DAB1: variants seen among roughly 807,000 people sequenced by gnomAD.
DAB1 encodes the protein DAB adaptor protein 1.
A neutral mutation model predicts 64.6 loss-of-function variants in DAB1; 15 were observed. The ratio of observed to expected loss-of-function variants is 0.23; its 90% confidence interval spans 0.16 to 0.36. The LOEUF is 0.36. Among genes scored for constraint, DAB1 ranks in the 10% least tolerant of loss-of-function variants. The probability of loss-of-function intolerance (pLI) is 1.00; values close to 1 mark genes in which losing one functional copy is unlikely to be tolerated. For missense variants in DAB1, 596 were observed against 706.7 expected (o/e 0.84, Z 1.78); for synonymous variants, 235 against 251.9 (o/e 0.93, Z 0.64).
In DAB1 at chr1:57,928,943, G is replaced by C. The variant is rs555508598; in HGVS notation, n.388-44781C>G. Among the ~76,000 whole-genome samples, 14 of 152,296 alleles carry C rather than the reference G, an allele frequency of 9.2e-5. No homozygotes were observed. The South Asian group carries it at 2.9e-3, about 32-fold the overall frequency. ...GTGACTGTGTGTTTTCAACTCATTT[G>C]AGTAAAAGTCAAGGAGCACAATTGC... On this transcript the variant is annotated intron_variant and non_coding_transcript_variant, in intron 5 of 20. Coordinates refer to the DAB1 transcript ENST00000485760.
intron 1 of DAB1, among the ~76,000 whole-genome samples, chr1:57,868,258 C>T (rs1005685879): frequency 9.2e-5 from 14 of 152,210 alleles, no homozygotes; most frequent in South Asian, 2.1e-4. Context: ...ATAAGCTCTG[C>T]GTGGTTTTGA....
Position 57,423,928 on chromosome 1 carries a change from A to T in DAB1, c.-137+2T>A, listed in dbSNP as rs913271611. ...TTGCCGCGCGCCCCCGCCGCGCCTC[A>T]CCTCGCCTAGCCCAGAGCATCCTCC... On this transcript the variant is annotated splice_donor_variant, in intron 1 of 14. Coordinates refer to ENST00000371236, the MANE Select transcript of DAB1 (RefSeq NM_001365792.1). LOFTEE classifies it low-confidence loss of function (5UTR_SPLICE). 1.3e-5 allele frequency: 2 copies of T among 151,132 alleles called. No homozygotes were observed. Among genetic ancestry groups the T allele is most frequent in the East Asian group, 4.0e-4 (2 of 5,012 alleles). The allele number at this position is 151,132 out of a possible 1,614,324, so 9.4% of individuals were successfully genotyped here. A position where few individuals can be genotyped will look rare whatever the true frequency, so the allele number is the denominator to read the frequency against.
intron 7 of DAB1, among the ~76,000 whole-genome samples, chr1:57,640,843 G>A (rs1232740187): frequency 6.6e-6 from 1 of 152,164 alleles, no homozygotes; most frequent in African/African-American, 2.4e-5. Flanking sequence ...CTGCAGAGAA[G>A]TAAAGAATCT....
chr1:57,369,641 G>A (rs777656349), intron 1 of DAB1, among the ~76,000 whole-genome samples: 22 of 152,056 alleles, frequency 1.4e-4, no homozygotes, highest in Non-Finnish European at 2.4e-4. Context: ...CAACAGTCTT[G>A]TACTCTCAGA....
At chr1:57,460,663 G>A (rs1228718006) in intron 7 of DAB1, among the ~76,000 whole-genome samples, 3 of 152,126 alleles carry the variant, frequency 2.0e-5, no homozygotes, top group Non-Finnish European at 2.9e-5. Flanking sequence ...GGGAGGAGTA[G>A]AGACACTAAT....
At chr1:58,130,587 G>A (rs1276172311) in intron 5 of DAB1, among the ~76,000 whole-genome samples, 6 of 152,028 alleles carry the variant, frequency 3.9e-5, no homozygotes, top group South Asian at 2.1e-4. Context: ...ATTTTGCAGC[G>A]GCTGGTACCG....
intron 5 of DAB1, among the ~76,000 whole-genome samples, chr1:58,060,626 T>G (rs1393597186): frequency 2.6e-5 from 4 of 152,112 alleles, no homozygotes; most frequent in Non-Finnish European, 5.9e-5. Flanking sequence ...GCACCCTCTG[T>G]GGGGTTTTCG....
chr1:57,383,612 A>G (rs1400197520), intron 1 of DAB1, among the ~76,000 whole-genome samples: 1 of 152,206 alleles, frequency 6.6e-6, no homozygotes, highest in Non-Finnish European at 1.5e-5. Flanking sequence ...AAAACCTCAC[A>G]TAGAAGGTCA....
chr1:57,803,141 T>G (rs531462698), intron 6 of DAB1, among the ~76,000 whole-genome samples: 6 of 152,210 alleles, frequency 3.9e-5, no homozygotes, highest in African/African-American at 1.4e-4. Flanking sequence ...AGCCCCAAAA[T>G]GAAATTGATG....
chr1:57,891,289 C>T (rs181247214), intron 5 of DAB1, among the ~76,000 whole-genome samples: 1 of 152,264 alleles, frequency 6.6e-6, no homozygotes, highest in African/African-American at 2.4e-5. Flanking sequence ...TAGATAAATG[C>T]AAATCAAACC....
chr1:58,077,406 G>A (rs1316862541), intron 5 of DAB1, among the ~76,000 whole-genome samples: 1 of 152,084 alleles, frequency 6.6e-6, no homozygotes, highest in Non-Finnish European at 1.5e-5. Flanking sequence ...TGACCAAAGG[G>A]GTTCATCACT....
chr1:58,212,542 A>C (rs1203327632), intron 4 of DAB1, among the ~76,000 whole-genome samples: 1 of 152,110 alleles, frequency 6.6e-6, no homozygotes, highest in Non-Finnish European at 1.5e-5. Flanking sequence ...AGATTGCACA[A>C]ATCTTCCCAC....
intron 1 of DAB1, among the ~76,000 whole-genome samples, chr1:57,400,000 C>T (rs1683112164): frequency 6.6e-6 from 1 of 152,170 alleles, no homozygotes; most frequent in Admixed American, 6.5e-5. Context: ...ACTGAATGGC[C>T]ACCTATGCCC....
chr1:57,198,898 T>G (rs764966253), intron 2 of DAB1, among the ~76,000 whole-genome samples: 2 of 152,088 alleles, frequency 1.3e-5, no homozygotes, highest in Non-Finnish European at 2.9e-5. Context: ...GAGTGTGGAA[T>G]AGGACAAGAG....
chr1:57,121,543 T>C (rs1656664447), intron 4 of DAB1, among the ~76,000 whole-genome samples: 1 of 151,972 alleles, frequency 6.6e-6, no homozygotes, highest in South Asian at 2.1e-4. Context: ...TTAATAAATG[T>C]TCACTGAATG....
chr1:58,174,962 C>G (rs1557682518), intron 4 of DAB1, among the ~76,000 whole-genome samples: 1 of 152,202 alleles, frequency 6.6e-6, no homozygotes, highest in Non-Finnish European at 1.5e-5. Flanking sequence ...TGTAAACGCA[C>G]CAATCAGCAC....
chr1:58,069,802 T>G (rs1220460109), intron 5 of DAB1, among the ~76,000 whole-genome samples: 1 of 152,224 alleles, frequency 6.6e-6, no homozygotes. Flanking sequence ...CAAAAAGTTG[T>G]CAACATGTAC....
intron 1 of DAB1, among the ~76,000 whole-genome samples, chr1:57,347,502 AC>A (rs1381242987): frequency 1.3e-5 from 2 of 152,226 alleles, no homozygotes; most frequent in Admixed American, 1.3e-4. Flanking sequence ...AATGGTCAGC[AC>A]AATTGTGACT....
At chr1:57,054,338 G>T (rs1224926813) in intron 9 of DAB1, among the ~76,000 whole-genome samples, 2 of 152,080 alleles carry the variant, frequency 1.3e-5, no homozygotes, top group Non-Finnish European at 2.9e-5. Flanking sequence ...CCCTGTGAAT[G>T]CAATGCTCTG....
Sources: gnomAD v4.1 joint callset for allele counts (sites outside exome capture counted in the v4.1 genomes callset) on GRCh38, gnomAD v4.1.1 for gene constraint, MANE v1.5 for transcripts, NCBI Gene and HGNC (gene_info 2026-07-23, HGNC 2026-07-21) for gene names.